Variants in HS6ST2 observed in about 807,000 individuals in gnomAD.
HS6ST2 encodes the protein heparan sulfate 6-O-sulfotransferase 2, also known as heparan-sulfate 6-O-sulfotransferase 2.
In HS6ST2, 17 loss-of-function variants were observed where a neutral mutation model predicts 33.0. The observed-to-expected ratio is 0.52, with a 90% CI of 0.35 to 0.77. The LOEUF is 0.77. Ranked by LOEUF, HS6ST2 falls within the 30% of genes least tolerant of loss-of-function variation. The pLI is 0.01. For synonymous variants in HS6ST2, 248 were observed against 237.1 expected, an observed-to-expected ratio of 1.05 and a Z score of -0.42; for missense variants, 519 against 551.7, an observed-to-expected ratio of 0.94 and a Z score of 0.59.
At chrX:132,862,001 T>C (rs1325853999) in intron 2 of HS6ST2, among the ~76,000 whole-genome samples, 2 of 112,157 alleles carry the variant, frequency 1.8e-5, no homozygotes, top group Non-Finnish European at 3.8e-5. Context: ...TTAAACAAGT[T>C]TGTTCTTTAA....
At chrX:132,688,577 C>A (rs1468110589) in intron 3 of HS6ST2, among the ~76,000 whole-genome samples, 1 of 110,791 alleles carries the variant, frequency 9.0e-6, no homozygotes, top group Admixed American at 9.6e-5. Context: ...GGGGAAAAGC[C>A]CCTTATGAAA....
chrX:132,657,376 T>C (rs1396281173), intron 4 of HS6ST2, among the ~76,000 whole-genome samples: 1 of 109,685 alleles, frequency 9.1e-6, no homozygotes, highest in East Asian at 2.9e-4. Flanking sequence ...GGAGGGCAAG[T>C]GAGAAATGAA....
rs3065679 is a variant in HS6ST2 at position 132,756,820 on chromosome X, G to GGTGTGTGTGTGTGTGTGTGT, written c.948-48346_948-48327dup. On this transcript the variant is annotated intron_variant, in intron 2 of 4. Coordinates refer to ENST00000370833, the MANE Select transcript of HS6ST2 (RefSeq NM_001394073.1). ...CTTGCTCTCCCATTCCCCTGTGCAT[G>GGTGTGTGTGTGTGTGTGTGT]GTGTGTGTGTGTGTGTGTGTGTGTG... 3.1e-4 allele frequency among the ~76,000 whole-genome samples: 30 copies of GGTGTGTGTGTGTGTGTGTGT among 97,337 alleles called. No individual in the cohort carries two copies. The East Asian group carries it at 9.5e-3, about 31-fold the overall frequency. 84.5% of individuals were successfully genotyped at this position (97,337 alleles called of 115,157 possible).
At chrX:132,816,202 TGGC>T (rs1257416655) in intron 2 of HS6ST2, among the ~76,000 whole-genome samples, 1 of 111,943 alleles carries the variant, frequency 8.9e-6, no homozygotes, top group Non-Finnish European at 1.9e-5. Flanking sequence ...GTGCTCTACT[TGGC>T]AGTTTAAATA....
intron 2 of HS6ST2, among the ~76,000 whole-genome samples, chrX:132,812,585 G>A (rs919919704): frequency 2.0e-5 from 1 of 49,566 alleles, no homozygotes; most frequent in Non-Finnish European, 3.9e-5. Context: ...TTTTTTTTTG[G>A]GGGGGGGAGA....
chrX:132,720,850 G>A (rs2064321452), intron 2 of HS6ST2, among the ~76,000 whole-genome samples: 1 of 110,556 alleles, frequency 9.0e-6, no homozygotes, highest in Non-Finnish European at 1.9e-5. Flanking sequence ...ACTATATAAT[G>A]ATAAAGGGGT....
chrX:132,761,577 A>G (rs1468821550), intron 2 of HS6ST2, among the ~76,000 whole-genome samples: 1 of 112,427 alleles, frequency 8.9e-6, no homozygotes. Context: ...CTGTGGGCAG[A>G]GGCAGATAAT....
intron 2 of HS6ST2, among the ~76,000 whole-genome samples, chrX:132,839,315 T>TATAC (rs1457842091): frequency 2.8e-4 from 6 of 21,170 alleles, no homozygotes; most frequent in Admixed American, 6.8e-4. Context: ...TATATATATA[T>TATAC]ACACACACAT....
chrX:132,759,179 G>C (rs887353526), intron 2 of HS6ST2, among the ~76,000 whole-genome samples: 1 of 111,531 alleles, frequency 9.0e-6, no homozygotes, highest in African/African-American at 3.3e-5. Context: ...TGTTTATAGG[G>C]GGTTTAGAAA....
intron 2 of HS6ST2, among the ~76,000 whole-genome samples, chrX:132,849,849 C>T (rs1428145232): frequency 8.9e-6 from 1 of 112,058 alleles, no homozygotes; most frequent in Non-Finnish European, 1.9e-5. Flanking sequence ...TAATCATCTT[C>T]CCACTTGCAG....
intron 2 of HS6ST2, among the ~76,000 whole-genome samples, chrX:132,837,225 C>G (rs1414565115): frequency 8.9e-6 from 1 of 111,912 alleles, no homozygotes; most frequent in African/African-American, 3.3e-5. Context: ...AAATGAAATT[C>G]CATCCAATGA....
Position 132,628,647 on chromosome X carries a change from G to C in HS6ST2, c.1514C>G (p.Ser505Cys). The C allele has an allele frequency of 8.3e-7, 1 of 1,211,293 alleles. No individual in the cohort carries two copies. Among genetic ancestry groups the C allele is most frequent in the Non-Finnish European group, 1.1e-6 (1 of 895,217 alleles). Residue 505 changes from serine (S) to cysteine (C), a missense_variant, in exon 5 of 5, where the codon TCT (serine) becomes TGT (cysteine). Physicochemically the swap from Ser to Cys is moderately radical, Grantham distance 112. Transcript: ENST00000370833. ...PFTQYNTTRASSVEINEEIQK... is the reference protein window; with the variant it reads ...PFTQYNTTRACSVEINEEIQK... ...AATTTCCTCATTGATCTCTACACTA[G>C]AGGCCCTAGTGGTATTATACTGGGT...
chrX:132,675,307 C>T (rs1415427238), intron 3 of HS6ST2, among the ~76,000 whole-genome samples: 1 of 111,103 alleles, frequency 9.0e-6, no homozygotes, highest in Non-Finnish European at 1.9e-5. Flanking sequence ...GACAGTGATC[C>T]ACTATGATTA....
intron 4 of HS6ST2, among the ~76,000 whole-genome samples, chrX:132,642,677 T>A (rs1334813546): frequency 8.9e-6 from 1 of 111,882 alleles, no homozygotes; most frequent in Non-Finnish European, 1.9e-5. Flanking sequence ...GCAATGATAA[T>A]ACTGGGTGGT....
rs914649141 is a variant in HS6ST2, at chrX:132,784,117, G to A, written c.948-75623C>T. Among the ~76,000 whole-genome samples the A allele has an allele frequency of 2.7e-5, 3 of 111,127 alleles. No homozygotes were observed. The Admixed American group carries it at 2.9e-4, about 11-fold the overall frequency. ...GTGACTCTCCCTCTAAGTTGCAAGC[G>A]GATGGATGAGCAGAGCAGAAAAATA... On this transcript the variant is annotated intron_variant, in intron 2 of 4. Transcript: ENST00000370833.
At chrX:132,835,809 G>A (rs1457070360) in intron 2 of HS6ST2, among the ~76,000 whole-genome samples, 1 of 111,504 alleles carries the variant, frequency 9.0e-6, no homozygotes, top group East Asian at 2.8e-4. Context: ...CTAGCTACTC[G>A]GGAGGCTGAG....
At chrX:132,704,373 A>C (rs894911938) in intron 3 of HS6ST2, among the ~76,000 whole-genome samples, 1 of 111,609 alleles carries the variant, frequency 9.0e-6, no homozygotes, top group Non-Finnish European at 1.9e-5. Flanking sequence ...TGACCAACAT[A>C]GTGAAACTCT....
intron 2 of HS6ST2, among the ~76,000 whole-genome samples, chrX:132,888,314 A>G (rs1041177160): frequency 2.7e-5 from 3 of 111,656 alleles, no homozygotes; most frequent in African/African-American, 9.8e-5. Flanking sequence ...GACATCTTAC[A>G]TGGTGGCAGG....
chrX:132,806,614 C>T (rs909229028), intron 2 of HS6ST2, among the ~76,000 whole-genome samples: 2 of 110,153 alleles, frequency 1.8e-5, no homozygotes, highest in African/African-American at 6.5e-5. Context: ...CAAAAGCAGC[C>T]ATAGACAATA....
Sources: allele counts gnomAD v4.1 joint callset (sites outside exome capture counted in the v4.1 genomes callset), GRCh38; gene constraint gnomAD v4.1.1; transcripts MANE v1.5; gene names NCBI Gene and HGNC (gene_info 2026-07-23, HGNC 2026-07-21).